Variants in BICD2 observed in about 807,000 individuals in gnomAD.
BICD2 encodes BICD cargo adaptor 2.
In BICD2, 25 loss-of-function variants were observed where a neutral mutation model predicts 72.9. The observed-to-expected ratio is 0.34, with a 90% CI of 0.25 to 0.48. The LOEUF is 0.48. BICD2 is among the 20% of genes least tolerant of loss of function. The pLI is 0.99. For missense variants in BICD2, 894 were observed against 1,175.2 expected (o/e 0.76, Z 3.50); for synonymous variants, 501 against 516.1 (o/e 0.97, Z 0.40).
chr9:92,742,442 T>C (rs1564068878), intron 1 of BICD2, among the ~76,000 whole-genome samples: 1 of 151,576 alleles, frequency 6.6e-6, no homozygotes, highest in Admixed American at 6.6e-5. Flanking sequence ...TGGAGTGCAG[T>C]GGCGCGATCT....
rs556424835 is a variant in BICD2, at chr9:92,715,070, T to C, written c.*84A>G. On this transcript the variant is annotated 3_prime_UTR_variant, in exon 7 of 7. Coordinates refer to ENST00000356884, the MANE Select transcript of BICD2 (RefSeq NM_001003800.2). ...CCTCTGTGCATTAGTCACGTTAAGA[T>C]TGACCTAGCACCGCCGTCCCGCTGC... 6.0e-6 allele frequency: 9 copies of C among 1,497,392 alleles called. No homozygotes were observed. The highest frequency in any genetic ancestry group is 2.5e-4 in the Middle Eastern group (1 of 3,962). The allele number at this position is 1,497,392 out of a possible 1,614,324, so 92.8% of individuals were successfully genotyped here.
In BICD2 at chr9:92,713,723, G is replaced by C. The variant is rs1853240555; in HGVS notation, c.*1431C>G. On this transcript the variant is annotated 3_prime_UTR_variant, in exon 7 of 7. Transcript: ENST00000356884. Reference sequence around the variant, plus strand: ...CATGCCAGCAGCCATCCCACTGCGAGTCTTGCTGGGGCAGGGGGATCTGGG... The same window carrying C: ...CATGCCAGCAGCCATCCCACTGCGACTCTTGCTGGGGCAGGGGGATCTGGG... 2.9e-6 allele frequency: 4 copies of C among 1,368,832 alleles called. No homozygotes were observed. Among genetic ancestry groups the C allele is most frequent in the Non-Finnish European group, 2.8e-6 (3 of 1,056,184 alleles). The allele number at this position is 1,368,832 out of a possible 1,614,324, so 84.8% of individuals were successfully genotyped here.
intron 1 of BICD2, among the ~76,000 whole-genome samples, chr9:92,734,414 T>C (rs1209512871): frequency 6.6e-6 from 1 of 151,272 alleles, no homozygotes; most frequent in Admixed American, 6.6e-5. Context: ...CTTGGGAGGC[T>C]GATGCACAAG....
chr9:92,720,861 G>C lies in BICD2; in HGVS notation c.607-106C>G, dbSNP rs1853451525. ...GCACACCAACTCCGGCCACTATGAA[G>C]CAAAAGATGAAGCGCCAGGTGAGGT... On this transcript the variant is annotated intron_variant, in intron 3 of 6. Transcript: ENST00000356884. This position sits in a 1 kb window ranked among gnomAD's most constrained non-coding sequence, Gnocchi z 5.4. The C allele has an allele frequency of 5.7e-6, 7 of 1,229,536 alleles. No individual in the cohort carries two copies. The African/African-American group carries it at 1.1e-4, about 19-fold the overall frequency. 76.2% of individuals were successfully genotyped at this position (1,229,536 alleles called of 1,614,324 possible).
In BICD2 at chr9:92,742,287, C is replaced by T. The variant is rs530247607; in HGVS notation, c.241-13051G>A. The stretch of plus-strand genomic sequence containing the variant: ...AAAAATGTTAAAAAGACATAATCCA[C>T]GTCATAATATTCACCCTTTTAAAGT... On this transcript the variant is annotated intron_variant, in intron 1 of 6. Transcript: ENST00000356884. Among the ~76,000 whole-genome samples the T allele has an allele frequency of 7.9e-5, 12 of 152,220 alleles. No homozygotes were observed. In the South Asian group the frequency reaches 8.3e-4, roughly 11 times the overall value.
chr9:92,752,596 T>G (rs887543752), intron 1 of BICD2, among the ~76,000 whole-genome samples: 4 of 151,978 alleles, frequency 2.6e-5, no homozygotes, highest in Non-Finnish European at 5.9e-5. Context: ...AATGAGACCA[T>G]GTACCTACTA....
intron 1 of BICD2, among the ~76,000 whole-genome samples, chr9:92,759,011 T>C (rs1158771202): frequency 6.6e-6 from 1 of 151,720 alleles, no homozygotes; most frequent in Non-Finnish European, 1.5e-5. Context: ...AAATAAATAA[T>C]AATAATAATA....
chr9:92,763,980 G>A (rs1160025018), intron 1 of BICD2, among the ~76,000 whole-genome samples: 2 of 152,204 alleles, frequency 1.3e-5, no homozygotes, highest in Non-Finnish European at 2.9e-5. Flanking sequence ...CACCTCGGAG[G>A]CACTCATGAA....
At chr9:92,740,419 T>C (rs1359415252) in intron 1 of BICD2, among the ~76,000 whole-genome samples, 1 of 151,822 alleles carries the variant, frequency 6.6e-6, no homozygotes, top group Non-Finnish European at 1.5e-5. Context: ...CTTAAATATA[T>C]CTGTATTAGA....
rs61466993 is a variant in BICD2 at position 92,756,866 on chromosome 9, CAAA to C, written c.240+7636_240+7638del. Among the ~76,000 whole-genome samples the C allele has an allele frequency of 2.3e-4, 28 of 123,652 alleles. No individual in the cohort carries two copies. In the East Asian group the frequency reaches 5.6e-3, roughly 25 times the overall value. 81.1% of individuals were successfully genotyped at this position (123,652 alleles called of 152,430 possible). A position where few individuals can be genotyped will look rare whatever the true frequency, so the allele number is the denominator to read the frequency against. On this transcript the variant is annotated intron_variant, in intron 1 of 6. Coordinates refer to ENST00000356884, the MANE Select transcript of BICD2 (RefSeq NM_001003800.2). ...TGGGCAACAGAGTGAGACTCCGTCT[CAAA>C]AAAAAAAAAAGGAAATAAAAGAGAA...
chr9:92,762,266 T>G (rs1854388666), intron 1 of BICD2, among the ~76,000 whole-genome samples: 1 of 152,206 alleles, frequency 6.6e-6, no homozygotes, highest in African/African-American at 2.4e-5. Flanking sequence ...TATTTTCAAC[T>G]ATAATACTGG....
chr9:92,717,876 T>C lies in BICD2; in HGVS notation c.2179A>G (p.Met727Val), dbSNP rs1256207191. Reference sequence around the variant, plus strand: ...GCCTTGAGCTCATTGCGCAGCTTCATCATGGTCTCGGTAACCATGGCCTTC... The same window carrying C: ...GCCTTGAGCTCATTGCGCAGCTTCACCATGGTCTCGGTAACCATGGCCTTC... ...NEKAMVTETM[M>V]KLRNELKALK... The change falls in exon 6 of 7, where the codon ATG becomes GTG. Residue 727 changes from methionine to valine, a missense_variant. Physicochemically the swap from Met to Val is conservative, Grantham distance 21. This residue lies in a region of BICD2 where 321 missense variants were observed against 443.9 expected (regional missense o/e 0.72). Coordinates refer to ENST00000356884, the MANE Select transcript of BICD2 (RefSeq NM_001003800.2). The C allele has an allele frequency of 1.2e-6, 2 of 1,613,252 alleles. No individual in the cohort carries two copies. The highest frequency in any genetic ancestry group is 1.7e-6 in the Non-Finnish European group (2 of 1,180,026).
In BICD2 at chr9:92,713,547, G is replaced by A. The variant is rs1853235731; in HGVS notation, c.*1607C>T. ...ACAATTGAAGCTCTCCACGTGCTGG[G>A]AGGGCGCGAGCACGTTAGTTGGCAG... is the stretch of plus-strand genomic sequence containing the variant. On this transcript the variant is annotated 3_prime_UTR_variant, in exon 7 of 7. Transcript: ENST00000356884. 11 of 1,551,450 alleles carry A rather than the reference G, an allele frequency of 7.1e-6. No homozygotes were observed. Among genetic ancestry groups the A allele is most frequent in the East Asian group, 4.8e-5 (2 of 41,364 alleles).
At position 92,720,474 on chromosome 9, in the gene BICD2, G is replaced by A. The variant is rs774968696; in HGVS notation, c.888C>T (p.Ala296=). 1.5e-5 allele frequency: 25 copies of A among 1,614,076 alleles called. No homozygotes were observed. The highest frequency in any genetic ancestry group is 6.6e-5 in the South Asian group (6 of 91,086). ...GCTCAAAGCCATTGACCAGGGCCTCGGCATCGTTGTTGGGCTCGGCAGCAT... is the reference window on the plus strand; with the variant it reads ...GCTCAAAGCCATTGACCAGGGCCTCAGCATCGTTGTTGGGCTCGGCAGCAT... ...SDDAAEPNND[A]EALVNGFEHG... is the part of the protein sequence containing the mutation. The change falls in exon 4 of 7, where the codon GCC becomes GCT. Residue 296 remains alanine (A), a synonymous_variant. Transcript: ENST00000356884. The surrounding 1 kb of genome is among the most constrained non-coding windows in gnomAD (Gnocchi z 5.4).
At position 92,764,801 on chromosome 9, in the gene BICD2, AGCC is replaced by A. The variant is rs562094219; in HGVS notation, c.-60_-58del. ...GGCTCTCGCAGGCCGGGCCCTCCTC[AGCC>A]GCCGCCGCTGCCGCCGCCGCCGCCG... On this transcript the variant is annotated 5_prime_UTR_variant, in exon 1 of 7. Transcript: ENST00000356884. This position sits in a 1 kb window ranked among gnomAD's most constrained non-coding sequence, Gnocchi z 5.5. 2.4e-6 allele frequency: 3 copies of A among 1,235,324 alleles called. No homozygotes were observed. The highest frequency in any genetic ancestry group is 3.0e-6 in the Non-Finnish European group (3 of 989,424). 76.5% of individuals were successfully genotyped at this position (1,235,324 alleles called of 1,614,324 possible). A position where few individuals can be genotyped will look rare whatever the true frequency, so the allele number is the denominator to read the frequency against.
rs143788104 is a variant in BICD2, at chr9:92,757,865, C to T, written c.240+6640G>A. Reference sequence around the variant, plus strand: ...CATGGACTCACTCTATTACTCTCTCCACCTTTGATTATGTGGAAACATCCA... The same window carrying T: ...CATGGACTCACTCTATTACTCTCTCTACCTTTGATTATGTGGAAACATCCA... On this transcript the variant is annotated intron_variant, in intron 1 of 6. Coordinates refer to ENST00000356884, the MANE Select transcript of BICD2 (RefSeq NM_001003800.2). Among the ~76,000 whole-genome samples the T allele has an allele frequency of 2.0e-4, 31 of 152,338 alleles. No homozygotes were observed. In the East Asian group the frequency reaches 3.7e-3, roughly 18 times the overall value.
Position 92,759,884 on chromosome 9 carries a change from T to A in BICD2, c.240+4621A>T, listed in dbSNP as rs1184106907. Among the ~76,000 whole-genome samples, 3 of 152,112 alleles carry A rather than the reference T, an allele frequency of 2.0e-5. No homozygotes were observed. The East Asian group carries it at 5.8e-4, about 29-fold the overall frequency. Reference sequence around the variant, plus strand: ...CCAAAACTGACAAAGAAGAAACTGATCTCCTCCCTCAAAGGAAGGGACTGT... The same window carrying A: ...CCAAAACTGACAAAGAAGAAACTGAACTCCTCCCTCAAAGGAAGGGACTGT... On this transcript the variant is annotated intron_variant, in intron 1 of 6. Coordinates refer to ENST00000356884, the MANE Select transcript of BICD2 (RefSeq NM_001003800.2).
At chr9:92,758,532 A>T (rs1277248218) in intron 1 of BICD2, among the ~76,000 whole-genome samples, 1 of 131,918 alleles carries the variant, frequency 7.6e-6, no homozygotes, top group African/African-American at 2.9e-5. Flanking sequence ...AGCCTGGGCA[A>T]CATAACAAGA....
intron 1 of BICD2, among the ~76,000 whole-genome samples, chr9:92,758,420 C>T (rs10992450): frequency 0.29 from 42,789 of 146,028 alleles, 6,728 homozygotes; most frequent in Middle Eastern, 0.44. Context: ...GGTGTGGTGG[C>T]GCGCACCTGT....
Sources: gnomAD v4.1 joint callset for allele counts (sites outside exome capture counted in the v4.1 genomes callset) on GRCh38, gnomAD v4.1.1 for gene constraint, gnomAD v4.1.1 regional missense constraint, Gnocchi (gnomAD v3.1) non-coding constraint, MANE v1.5 for transcripts, NCBI Gene and HGNC (gene_info 2026-07-23, HGNC 2026-07-21) for gene names.